Variants in TCF7L2 observed in about 807,000 individuals in gnomAD.
TCF7L2 encodes transcription factor 7-like 2.
In TCF7L2, 23 loss-of-function variants were observed where a neutral mutation model predicts 77.9. The observed-to-expected ratio is 0.30, with a 90% CI of 0.21 to 0.42. The LOEUF is 0.42. Among genes scored for constraint, TCF7L2 ranks in the 10% least tolerant of loss-of-function variants. The pLI, the probability that TCF7L2 is intolerant of heterozygous loss-of-function variation, is 1.00. For missense variants in TCF7L2, 654 were observed against 793.1 expected (o/e 0.82, Z 2.11); for synonymous variants, 413 against 340.2 (o/e 1.21, Z -2.36).
intron 3 of TCF7L2, among the ~76,000 whole-genome samples, chr10:112,953,313 T>G (rs1203918932): frequency 6.6e-6 from 1 of 152,102 alleles, no homozygotes; most frequent in African/African-American, 2.4e-5. Flanking sequence ...CTCAACCCCC[T>G]TCTCCAGGGC....
chr10:113,129,734 A>C, intron 5 of TCF7L2: 2 of 1,237,998 alleles, frequency 1.6e-6, no homozygotes, highest in African/African-American at 3.1e-5. Flanking sequence ...GTTTAAAGGG[A>C]GGGGAAGCTG....
At chr10:113,098,995 C>G (rs1194166456) in intron 5 of TCF7L2, among the ~76,000 whole-genome samples, 1 of 152,218 alleles carries the variant, frequency 6.6e-6, no homozygotes, top group African/African-American at 2.4e-5. Flanking sequence ...GGGCTCTGCT[C>G]TGCTGTTTCT....
chr10:113,144,874 T>C (rs1356075348), intron 7 of TCF7L2, among the ~76,000 whole-genome samples: 1 of 152,258 alleles, frequency 6.6e-6, no homozygotes, highest in Non-Finnish European at 1.5e-5. Flanking sequence ...TATTTTTGCA[T>C]GAGCATGTGT....
At chr10:113,082,083 C>T (rs1337997813) in intron 5 of TCF7L2, among the ~76,000 whole-genome samples, 4 of 151,506 alleles carry the variant, frequency 2.6e-5, no homozygotes. Flanking sequence ...AGTGGTCTGC[C>T]TGCCTTGACC....
intron 5 of TCF7L2, among the ~76,000 whole-genome samples, chr10:113,118,115 G>T (rs938628231): frequency 2.4e-4 from 36 of 152,254 alleles, no homozygotes; most frequent in African/African-American, 8.7e-4. Context: ...ACGGGGTCGA[G>T]AATTTACTGG....
chr10:113,062,156 A>G (rs999869350), intron 5 of TCF7L2, among the ~76,000 whole-genome samples: 3 of 152,200 alleles, frequency 2.0e-5, no homozygotes, highest in Non-Finnish European at 4.4e-5. Flanking sequence ...TTTCATGAAG[A>G]TGACTGATAG....
At chr10:112,969,307 G>C (rs149970632) in intron 4 of TCF7L2, among the ~76,000 whole-genome samples, 1 of 152,052 alleles carries the variant, frequency 6.6e-6, no homozygotes, top group African/African-American at 2.4e-5. Context: ...TGTTATTTTG[G>C]GTAGCAATGG....
intron 4 of TCF7L2, among the ~76,000 whole-genome samples, chr10:112,968,932 G>A (rs2037624086): frequency 6.6e-6 from 1 of 152,076 alleles, no homozygotes; most frequent in African/African-American, 2.4e-5. Context: ...TGGGGGTTCA[G>A]GGGTCAACTG....
chr10:113,031,932 A>C (rs938960371), intron 4 of TCF7L2, among the ~76,000 whole-genome samples: 2 of 152,214 alleles, frequency 1.3e-5, no homozygotes, highest in African/African-American at 4.8e-5. Context: ...ATGCTGCAGG[A>C]ATCCATGCAT....
intron 4 of TCF7L2, among the ~76,000 whole-genome samples, chr10:112,992,666 G>A (rs1227090088): frequency 1.3e-5 from 2 of 152,096 alleles, no homozygotes; most frequent in Non-Finnish European, 2.9e-5. Flanking sequence ...AAGACTCCAT[G>A]CTTTGGTTCT....
intron 5 of TCF7L2, among the ~76,000 whole-genome samples, chr10:113,075,749 T>C (rs2058623800): frequency 6.6e-6 from 1 of 152,162 alleles, no homozygotes; most frequent in African/African-American, 2.4e-5. Context: ...ACCTGGTTAG[T>C]GAAAGAGATA....
chr10:112,975,005 C>T (rs1025468896), intron 4 of TCF7L2, among the ~76,000 whole-genome samples: 4 of 149,838 alleles, frequency 2.7e-5, no homozygotes, highest in Non-Finnish European at 4.4e-5. Flanking sequence ...ACTGGTTTGC[C>T]TTGAAATCTT....
At chr10:112,993,372 C>A (rs968115520) in intron 4 of TCF7L2, among the ~76,000 whole-genome samples, 1 of 151,448 alleles carries the variant, frequency 6.6e-6, no homozygotes, top group Non-Finnish European at 1.5e-5. Flanking sequence ...TGGGTGTGGT[C>A]GTGGGCACCT....
chr10:112,973,306 G>A (rs992582917), intron 4 of TCF7L2, among the ~76,000 whole-genome samples: 37 of 152,264 alleles, frequency 2.4e-4, no homozygotes, highest in Admixed American at 2.3e-3. Context: ...CTAGGGCAAG[G>A]GTTCCCAGCT....
intron 5 of TCF7L2, among the ~76,000 whole-genome samples, chr10:113,128,002 C>T (rs1325404908): frequency 6.6e-6 from 1 of 151,544 alleles, no homozygotes; most frequent in Non-Finnish European, 1.5e-5. Context: ...TGTCCATCAG[C>T]GGCAGAGAAC....
chr10:113,005,169 C>T lies in TCF7L2; in HGVS notation c.451-34856C>T, dbSNP rs557911649. On this transcript the variant is annotated intron_variant, in intron 4 of 13. Transcript: ENST00000627217. ...ATGCATGCATGAATGAGGTTCTTAG[C>T]GCTGAAGACGGTGTCATAGGTGGTC... is the stretch of plus-strand genomic sequence containing the variant. Among the ~76,000 whole-genome samples the T allele has an allele frequency of 1.4e-4, 21 of 152,300 alleles. No homozygotes were observed. The South Asian group carries it at 1.5e-3, about 11-fold the overall frequency.
rs188980933 is a variant in TCF7L2, at chr10:113,049,710, A to G, written c.552+9584A>G. On this transcript the variant is annotated intron_variant, in intron 5 of 13. Transcript: ENST00000627217. The stretch of plus-strand genomic sequence containing the variant: ...ACCTCTATACTGAAAGTCGGGATAA[A>G]TTTTATCTCTGGAAAGAGTCCCAAA... Among the ~76,000 whole-genome samples, 5 of 152,262 alleles carry G rather than the reference A, an allele frequency of 3.3e-5. No individual in the cohort carries two copies. In the East Asian group the frequency reaches 9.7e-4, roughly 30 times the overall value.
intron 5 of TCF7L2, among the ~76,000 whole-genome samples, chr10:113,117,714 G>C (rs1460508367): frequency 6.6e-6 from 1 of 152,126 alleles, no homozygotes; most frequent in African/African-American, 2.4e-5. Context: ...GCCCTCAATT[G>C]TTTAGACATT....
At chr10:112,979,544 G>A (rs980816649) in intron 4 of TCF7L2, among the ~76,000 whole-genome samples, 2 of 152,112 alleles carry the variant, frequency 1.3e-5, no homozygotes, top group African/African-American at 4.8e-5. Context: ...ATCACTTGAG[G>A]TCAGGAGTTC....
Sources: allele counts gnomAD v4.1 joint callset (sites outside exome capture counted in the v4.1 genomes callset), GRCh38; gene constraint gnomAD v4.1.1; transcripts MANE v1.5; gene names NCBI Gene and HGNC (gene_info 2026-07-23, HGNC 2026-07-21).